The following FBXO34 variants were observed in gnomAD, a reference collection of about 807,000 sequenced individuals.
FBXO34 encodes the protein F-box only protein 34.
In FBXO34, 12 loss-of-function variants were observed where a neutral mutation model predicts 24.5. The observed-to-expected ratio is 0.49, with a 90% CI of 0.31 to 0.79. FBXO34 has a LOEUF of 0.79. Ranked by LOEUF, FBXO34 falls within the 30% of genes least tolerant of loss-of-function variation. The pLI, the probability that FBXO34 is intolerant of heterozygous loss-of-function variation, is 0.04. For synonymous variants in FBXO34, 320 were observed against 311.9 expected (o/e 1.03, Z -0.27); for missense variants, 823 against 857.7 (o/e 0.96, Z 0.51).
chr14:55,324,099 C>G (rs967403609), intron 1 of FBXO34, among the ~76,000 whole-genome samples: 16 of 152,052 alleles, frequency 1.1e-4, no homozygotes, highest in Admixed American at 2.6e-4. Flanking sequence ...CCCTCCTCCC[C>G]CCCAGTGGTT....
chr14:55,442,173 G>C, the FBXO34 span, among the ~76,000 whole-genome samples: 1 of 151,616 alleles, frequency 6.6e-6, no homozygotes, highest in Non-Finnish European at 1.5e-5. Flanking sequence ...TGGATCACCT[G>C]AGGTCAGGAG....
the FBXO34 span, among the ~76,000 whole-genome samples, chr14:55,381,248 G>C: frequency 3.9e-5 from 6 of 152,278 alleles, no homozygotes; most frequent in African/African-American, 1.4e-4. Flanking sequence ...CAAAGCATGA[G>C]CTCACTAAAT....
the FBXO34 span, chr14:55,396,028 T>A: frequency 7.0e-7 from 1 of 1,432,664 alleles, no homozygotes; most frequent in South Asian, 1.3e-5. Context: ...AATAATAAAA[T>A]TCTGTGAAGT....
intron 1 of FBXO34, among the ~76,000 whole-genome samples, chr14:55,348,884 G>GC (rs1381800297): frequency 6.6e-6 from 1 of 152,138 alleles, no homozygotes; most frequent in African/African-American, 2.4e-5. Context: ...CACAGAGGCT[G>GC]CCATATGGCA....
At position 55,352,012 on chromosome 14, in the gene FBXO34, C is replaced by T; in HGVS notation, c.1622C>T (p.Thr541Ile). The T allele has an allele frequency of 6.2e-7, 1 of 1,614,192 alleles. No homozygotes were observed. The highest frequency in any genetic ancestry group is 8.5e-7 in the Non-Finnish European group (1 of 1,180,046). The change falls in exon 2 of 2, where the codon ACA becomes ATA. Residue 541 changes from threonine (T) to isoleucine (I), a missense_variant. Transcript: ENST00000313833. ...FVLPASSVES[T>I]LPVLEASSWK... is the part of the protein sequence containing the mutation. ...CTGCCAGCCTCTTCTGTGGAAAGTA[C>T]ATTACCAGTGCTTGAGGCATCCAGT...
the FBXO34 span, chr14:55,440,518 C>A: frequency 6.2e-7 from 1 of 1,609,808 alleles, no homozygotes; most frequent in South Asian, 1.1e-5. Flanking sequence ...AGCCTCGGAA[C>A]CCGCTCCGGC....
downstream of FBXO34, among the ~76,000 whole-genome samples, chr14:55,356,039 C>T (rs143631465): frequency 9.8e-5 from 15 of 152,310 alleles, no homozygotes; most frequent in Non-Finnish European, 1.9e-4. Context: ...GTTCTGTTAG[C>T]ACCAGTAGTA....
At chr14:55,397,367 C>T in the FBXO34 span, 1 of 1,612,394 alleles carries the variant, frequency 6.2e-7, no homozygotes, top group Non-Finnish European at 8.5e-7. Context: ...AAACAAAACA[C>T]TCACTCTTTC....
the FBXO34 span, among the ~76,000 whole-genome samples, chr14:55,401,319 C>A: frequency 2.6e-5 from 4 of 151,682 alleles, no homozygotes; most frequent in Non-Finnish European, 5.9e-5. Flanking sequence ...TTTTATTTCA[C>A]ACAAATTATT....
In FBXO34 at chr14:55,280,526, A is replaced by AATTTTTT. The variant is rs201409175; in HGVS notation, c.-11+8989_-11+8990insATTTTTT. ...AATACTACACCATTTTATATCAGGA[A>AATTTTTT]CTTTTTTTTTTTTTTTTTGAGATGG... On this transcript the variant is annotated intron_variant, in intron 1 of 1. Coordinates refer to ENST00000313833, the MANE Select transcript of FBXO34 (RefSeq NM_017943.4). Among the ~76,000 whole-genome samples, 187 of 95,760 alleles carry AATTTTTT rather than the reference A, an allele frequency of 2.0e-3. 3 individuals are homozygous for AATTTTTT. The highest frequency in any genetic ancestry group is 2.1e-3 in the South Asian group (7 of 3,364). 62.8% of individuals were successfully genotyped at this position (95,760 alleles called of 152,430 possible).
the FBXO34 span, among the ~76,000 whole-genome samples, chr14:55,411,354 C>T: frequency 6.6e-6 from 1 of 152,228 alleles, no homozygotes; most frequent in African/African-American, 2.4e-5. Context: ...TCCCCAGTGA[C>T]CAAGAGCACC....
At chr14:55,385,418 G>A in the FBXO34 span, among the ~76,000 whole-genome samples, 1 of 152,140 alleles carries the variant, frequency 6.6e-6, no homozygotes, top group Non-Finnish European at 1.5e-5. Context: ...TCAGCCACCT[G>A]AGTAGCTGGG....
intron 1 of FBXO34, among the ~76,000 whole-genome samples, chr14:55,322,048 C>T (rs1430893740): frequency 2.0e-5 from 3 of 152,114 alleles, no homozygotes; most frequent in East Asian, 3.9e-4. Flanking sequence ...TTCAGCTGGG[C>T]GTGGTGGCTC....
Position 55,352,460 on chromosome 14 carries a change from C to G in FBXO34, c.2070C>G (p.Ala690=). Residue 690 remains alanine, a synonymous_variant, in exon 2 of 2, where the codon GCC becomes GCG. Coordinates refer to ENST00000313833, the MANE Select transcript of FBXO34 (RefSeq NM_017943.4). ...LGLHDNHWVP[A]CHSFNRAIHK... is the part of the protein sequence containing the mutation. The stretch of plus-strand genomic sequence containing the variant: ...TTCATGACAATCACTGGGTTCCTGC[C>G]TGCCACAGCTTTAATCGGGCAATCC... 6.2e-7 allele frequency: 1 copy of G among 1,614,046 alleles called. No homozygotes were observed. Among genetic ancestry groups the G allele is most frequent in the Non-Finnish European group, 8.5e-7 (1 of 1,179,958 alleles).
chr14:55,441,848 C>T, the FBXO34 span, among the ~76,000 whole-genome samples: 38 of 151,970 alleles, frequency 2.5e-4, no homozygotes, highest in African/African-American at 7.5e-4. Context: ...CTGCAACCTC[C>T]GCCTCCCAGG....
intron 1 of FBXO34, among the ~76,000 whole-genome samples, chr14:55,318,835 C>T (rs563274142): frequency 1.1e-4 from 16 of 152,234 alleles, no homozygotes; most frequent in African/African-American, 3.9e-4. Context: ...GTGACCTGGT[C>T]ATCTCACTCG....
the FBXO34 span, among the ~76,000 whole-genome samples, chr14:55,391,471 T>TAAAAAA: frequency 5.3e-5 from 4 of 75,790 alleles, no homozygotes; most frequent in African/African-American, 8.1e-5. Context: ...TGAGACTCCA[T>TAAAAAA]AAAAAAAAAA....
At chr14:55,364,714 CCA>C (rs934368190), downstream of FBXO34, among the ~76,000 whole-genome samples, 1 of 147,438 alleles carries the variant, frequency 6.8e-6, no homozygotes, top group Non-Finnish European at 1.5e-5. Context: ...CAGGTGTGAA[CCA>C]CAGTGCCCAA....
chr14:55,350,019 T>C (rs1316657107), intron 1 of FBXO34, among the ~76,000 whole-genome samples: 1 of 152,152 alleles, frequency 6.6e-6, no homozygotes, highest in Non-Finnish European at 1.5e-5. Flanking sequence ...TTTTTATACT[T>C]TCCTTTCTTC....
Sources: gnomAD v4.1 joint callset for allele counts (sites outside exome capture counted in the v4.1 genomes callset) on GRCh38, gnomAD v4.1.1 for gene constraint, MANE v1.5 for transcripts, NCBI Gene and HGNC (gene_info 2026-07-23, HGNC 2026-07-21) for gene names.